CADM2: variants seen among roughly 807,000 people sequenced by gnomAD.
CADM2 encodes immunoglobulin superfamily member 4D.
A neutral mutation model predicts 49.8 loss-of-function variants in CADM2; 12 were observed. That is an observed-to-expected ratio of 0.24 (90% confidence interval 0.15 to 0.39). The LOEUF (loss-of-function observed/expected upper bound fraction) is 0.39. Among genes scored for constraint, CADM2 ranks in the 10% least tolerant of loss-of-function variants. The pLI is 1.00. For missense variants in CADM2, 378 were observed against 492.3 expected, an observed-to-expected ratio of 0.77 and a Z score of 2.20; for synonymous variants, 214 against 175.4, an observed-to-expected ratio of 1.22 and a Z score of -1.74.
intron 1 of CADM2, among the ~76,000 whole-genome samples, chr3:85,483,429 AT>A (rs2039292527): frequency 6.6e-6 from 1 of 151,266 alleles, no homozygotes; most frequent in African/African-American, 2.4e-5. Context: ...TATGTATTAT[AT>A]TAACAAATAA....
At chr3:85,700,958 T>A (rs2107707776) in intron 1 of CADM2, among the ~76,000 whole-genome samples, 1 of 152,300 alleles carries the variant, frequency 6.6e-6, no homozygotes, top group Admixed American at 6.5e-5. Context: ...GTAACATTTT[T>A]TCTGTATTAG....
chr3:85,475,041 AT>A (rs2038921704), intron 1 of CADM2, among the ~76,000 whole-genome samples: 1 of 151,868 alleles, frequency 6.6e-6, no homozygotes, highest in Non-Finnish European at 1.5e-5. Flanking sequence ...TAAGAAAATA[AT>A]TTTTCTTGGA....
intron 2 of CADM2, among the ~76,000 whole-genome samples, chr3:85,774,843 G>A (rs2070279115): frequency 6.6e-6 from 1 of 151,596 alleles, no homozygotes; most frequent in Non-Finnish European, 1.5e-5. Flanking sequence ...CAGAGTGGTA[G>A]AGTTGAATTA....
At chr3:85,297,918 T>G (rs1369958847) in intron 1 of CADM2, among the ~76,000 whole-genome samples, 1 of 152,020 alleles carries the variant, frequency 6.6e-6, no homozygotes, top group Non-Finnish European at 1.5e-5. Flanking sequence ...AATCATGTAA[T>G]AAATATTTGT....
At chr3:85,848,770 T>G (rs1443074979) in intron 3 of CADM2, among the ~76,000 whole-genome samples, 4 of 152,220 alleles carry the variant, frequency 2.6e-5, no homozygotes, top group Admixed American at 6.5e-5. Flanking sequence ...GAATAAATTA[T>G]GGATAAATAT....
intron 1 of CADM2, among the ~76,000 whole-genome samples, chr3:85,042,986 T>C (rs1168879972): frequency 6.6e-6 from 1 of 152,212 alleles, no homozygotes; most frequent in South Asian, 2.1e-4. Context: ...CGTATTATAC[T>C]TTTTAGACAA....
intron 8 of CADM2, among the ~76,000 whole-genome samples, chr3:85,963,759 G>A (rs1399136833): frequency 2.6e-5 from 4 of 151,806 alleles, no homozygotes; most frequent in South Asian, 2.1e-4. Flanking sequence ...TTCCTAAATA[G>A]CCAAGCTACC....
At chr3:85,114,442 T>C (rs1487586012) in intron 1 of CADM2, among the ~76,000 whole-genome samples, 1 of 152,092 alleles carries the variant, frequency 6.6e-6, no homozygotes, top group Non-Finnish European at 1.5e-5. Context: ...ATTAGAAAAA[T>C]TAGGTTTTGG....
chr3:85,917,638 T>C (rs1037900170), intron 6 of CADM2, among the ~76,000 whole-genome samples: 2 of 152,056 alleles, frequency 1.3e-5, no homozygotes, highest in African/African-American at 4.8e-5. Context: ...TTAGGATTGA[T>C]TTGGCAATGC....
chr3:85,095,434 C>T (rs1014412374), intron 1 of CADM2, among the ~76,000 whole-genome samples: 2 of 152,088 alleles, frequency 1.3e-5, no homozygotes, highest in African/African-American at 4.8e-5. Context: ...ATGAAACATT[C>T]TCCTATTGTT....
intron 2 of CADM2, among the ~76,000 whole-genome samples, chr3:85,750,763 T>C (rs2068827104): frequency 6.6e-6 from 1 of 152,034 alleles, no homozygotes; most frequent in Non-Finnish European, 1.5e-5. Flanking sequence ...AGAGCATTTT[T>C]TTTTATTGAC....
chr3:85,308,991 G>T (rs1361947874), intron 1 of CADM2, among the ~76,000 whole-genome samples: 1 of 152,052 alleles, frequency 6.6e-6, no homozygotes, highest in African/African-American at 2.4e-5. Context: ...TGTGCTCACA[G>T]ACTTCACTTC....
chr3:85,300,263 T>C (rs2044063100), intron 1 of CADM2, among the ~76,000 whole-genome samples: 1 of 152,102 alleles, frequency 6.6e-6, no homozygotes, highest in Non-Finnish European at 1.5e-5. Context: ...GTTTCACAGA[T>C]GTGCAAGGAT....
intron 1 of CADM2, among the ~76,000 whole-genome samples, chr3:85,498,374 C>G (rs2039988979): frequency 6.6e-6 from 1 of 151,962 alleles, no homozygotes; most frequent in African/African-American, 2.4e-5. Flanking sequence ...GTCCTAAGTT[C>G]AATGTTAATG....
At chr3:85,984,545 C>T (rs1235989730) in intron 8 of CADM2, among the ~76,000 whole-genome samples, 1 of 151,578 alleles carries the variant, frequency 6.6e-6, no homozygotes, top group African/African-American at 2.4e-5. Flanking sequence ...AACTTTTATA[C>T]TTAGGACAGA....
chr3:85,772,470 G>T (rs1280399152), intron 2 of CADM2, among the ~76,000 whole-genome samples: 1 of 151,700 alleles, frequency 6.6e-6, no homozygotes, highest in Non-Finnish European at 1.5e-5. Flanking sequence ...TATAAGCCTT[G>T]AATTAAGATA....
At chr3:85,293,224 C>T (rs947600435) in intron 1 of CADM2, among the ~76,000 whole-genome samples, 2 of 151,906 alleles carry the variant, frequency 1.3e-5, no homozygotes, top group African/African-American at 4.8e-5. Context: ...TACACTCTCC[C>T]AAGACTAAAC....
chr3:85,612,400 T>C (rs1276621590), intron 1 of CADM2, among the ~76,000 whole-genome samples: 1 of 151,820 alleles, frequency 6.6e-6, no homozygotes, highest in African/African-American at 2.4e-5. Context: ...AAAATAAGGA[T>C]TATAAATTGT....
At chr3:85,360,392 T>C (rs1279797102) in intron 1 of CADM2, among the ~76,000 whole-genome samples, 2 of 152,134 alleles carry the variant, frequency 1.3e-5, no homozygotes, top group African/African-American at 4.8e-5. Flanking sequence ...TAGACAAATA[T>C]AAGTAAAAAC....
Sources: allele counts gnomAD v4.1 joint callset (sites outside exome capture counted in the v4.1 genomes callset), GRCh38; gene constraint gnomAD v4.1.1; transcripts MANE v1.5; gene names NCBI Gene and HGNC (gene_info 2026-07-23, HGNC 2026-07-21).